Variants in THRB observed in about 807,000 individuals in gnomAD.
The protein encoded by THRB is thyroid hormone receptor beta.
In THRB, 12 loss-of-function variants were observed where a neutral mutation model predicts 47.8. That is an observed-to-expected ratio of 0.25 (90% CI 0.16 to 0.41). The LOEUF is 0.41. THRB is among the 10% of genes least tolerant of loss of function. THRB has a pLI of 1.00. For synonymous variants in THRB, 218 were observed against 212.2 expected (o/e 1.03, Z -0.24); for missense variants, 348 against 589.2 (o/e 0.59, Z 4.24).
intron 3 of THRB, among the ~76,000 whole-genome samples, chr3:24,272,581 G>A (rs761487255): frequency 6.6e-6 from 1 of 152,064 alleles, no homozygotes; most frequent in Non-Finnish European, 1.5e-5. Context: ...TTATTTGGGG[G>A]TACATCTTTT....
chr3:24,451,482 G>A (rs1204743369), intron 1 of THRB, among the ~76,000 whole-genome samples: 1 of 151,998 alleles, frequency 6.6e-6, no homozygotes, highest in African/African-American at 2.4e-5. Flanking sequence ...TGATCCACCC[G>A]CCTCAGCCTC....
At chr3:24,207,670 G>C (rs998363801) in intron 4 of THRB, among the ~76,000 whole-genome samples, 1 of 152,088 alleles carries the variant, frequency 6.6e-6, no homozygotes, top group East Asian at 1.9e-4. Context: ...GCCAGCAAAA[G>C]AGCCTACTCT....
chr3:24,308,358 C>T (rs958915944), intron 2 of THRB, among the ~76,000 whole-genome samples: 1 of 152,126 alleles, frequency 6.6e-6, no homozygotes, highest in Admixed American at 6.6e-5. Context: ...GGAGGCTTAA[C>T]AATACAAGGT....
intron 2 of THRB, among the ~76,000 whole-genome samples, chr3:24,335,743 T>G (rs374933747): frequency 7.0e-4 from 107 of 152,366 alleles, no homozygotes; most frequent in African/African-American, 2.3e-3. Flanking sequence ...TAAAATGAAT[T>G]AATACAGTGT....
At chr3:24,404,730 A>G (rs902063343) in intron 1 of THRB, among the ~76,000 whole-genome samples, 3 of 151,894 alleles carry the variant, frequency 2.0e-5, no homozygotes, top group African/African-American at 7.2e-5. Context: ...GTAATTTCTA[A>G]TGTGGTAAAG....
chr3:24,163,608 A>C (rs1282530828), intron 5 of THRB, among the ~76,000 whole-genome samples: 3 of 152,216 alleles, frequency 2.0e-5, no homozygotes, highest in Non-Finnish European at 4.4e-5. Context: ...AAGTTAAATT[A>C]CTTATACTAT....
chr3:24,194,634 A>T (rs2043755514), intron 4 of THRB, among the ~76,000 whole-genome samples: 1 of 152,216 alleles, frequency 6.6e-6, no homozygotes, highest in Non-Finnish European at 1.5e-5. Flanking sequence ...CATCATTCTG[A>T]TGGCTTTGAT....
intron 4 of THRB, among the ~76,000 whole-genome samples, chr3:24,203,647 C>T (rs534569577): frequency 4.2e-4 from 64 of 152,238 alleles, no homozygotes; most frequent in African/African-American, 1.1e-3. Context: ...TGGGGCTTTT[C>T]GGACAGTGGG....
chr3:24,120,117 A>T lies in THRB; in HGVS notation c.*2767T>A, dbSNP rs1011772015. On this transcript the variant is annotated 3_prime_UTR_variant, in exon 11 of 11. Transcript: ENST00000646209. ...ATCCCTCACAAATGAGTTTTATGAG[A>T]TGGAGTCTTGAGATGCACTAAGTAC... 2 of 152,344 alleles carry T rather than the reference A, an allele frequency of 1.3e-5. No individual in the cohort carries two copies. The highest frequency in any genetic ancestry group is 6.5e-5 in the Admixed American group (1 of 15,302). 9.4% of individuals were successfully genotyped at this position (152,344 alleles called of 1,614,324 possible). A position where few individuals can be genotyped will look rare whatever the true frequency, so the allele number is the denominator to read the frequency against.
rs544385646 is a variant in THRB, at chr3:24,330,478, G to A, written c.-189+6822C>T. On this transcript the variant is annotated intron_variant, in intron 2 of 10. Transcript: ENST00000646209. Reference sequence around the variant, plus strand: ...ATGTACCCACCATTCAGATCTGCGGGTATTTGATCCATCACCCTAAAAGAA... The same window carrying A: ...ATGTACCCACCATTCAGATCTGCGGATATTTGATCCATCACCCTAAAAGAA... Among the ~76,000 whole-genome samples the A allele has an allele frequency of 9.8e-5, 15 of 152,328 alleles. No individual in the cohort carries two copies. In the South Asian group the frequency reaches 2.7e-3, roughly 27 times the overall value.
At chr3:24,256,263 C>G (rs1263116618) in intron 3 of THRB, among the ~76,000 whole-genome samples, 1 of 143,514 alleles carries the variant, frequency 7.0e-6, no homozygotes, top group Non-Finnish European at 1.5e-5. Flanking sequence ...CATCAGAGGC[C>G]TTAATGAGTA....
intron 1 of THRB, among the ~76,000 whole-genome samples, chr3:24,389,183 T>A (rs143125622): frequency 6.6e-6 from 1 of 152,148 alleles, no homozygotes. Flanking sequence ...TTGGAGTGGT[T>A]GAAACCCCAG....
intron 1 of THRB, among the ~76,000 whole-genome samples, chr3:24,437,090 ATG>A (rs920396384): frequency 6.0e-5 from 9 of 148,946 alleles, no homozygotes; most frequent in South Asian, 2.1e-4. Context: ...TATCATAAAA[ATG>A]TGTGTGTGTA....
At chr3:24,278,211 A>T (rs2054139975) in intron 3 of THRB, among the ~76,000 whole-genome samples, 1 of 152,252 alleles carries the variant, frequency 6.6e-6, no homozygotes, top group Admixed American at 6.5e-5. Flanking sequence ...TATTTATTTG[A>T]TAAAATATAT....
chr3:24,186,790 AC>A (rs2042629145), intron 5 of THRB, among the ~76,000 whole-genome samples: 1 of 152,052 alleles, frequency 6.6e-6, no homozygotes, highest in Non-Finnish European at 1.5e-5. Context: ...TACTAAAAAT[AC>A]AAAAATTAGC....
chr3:24,276,715 G>C (rs1255136910), intron 3 of THRB, among the ~76,000 whole-genome samples: 2 of 152,150 alleles, frequency 1.3e-5, no homozygotes, highest in Non-Finnish European at 2.9e-5. Context: ...GAAGGGAGGA[G>C]GCAACACCAA....
chr3:24,384,221 C>T (rs2065915026), intron 1 of THRB, among the ~76,000 whole-genome samples: 1 of 152,088 alleles, frequency 6.6e-6, no homozygotes, highest in South Asian at 2.1e-4. Flanking sequence ...TAGAATACAA[C>T]CACAGAATAC....
At chr3:24,397,749 A>AT (rs1306058386) in intron 1 of THRB, among the ~76,000 whole-genome samples, 2 of 151,688 alleles carry the variant, frequency 1.3e-5, no homozygotes, top group African/African-American at 2.4e-5. Flanking sequence ...CACCTGGCTA[A>AT]TTTTTTTGTA....
At chr3:24,336,215 G>C (rs2062238866) in intron 2 of THRB, among the ~76,000 whole-genome samples, 2 of 152,210 alleles carry the variant, frequency 1.3e-5, no homozygotes, top group African/African-American at 4.8e-5. Context: ...GCCAGACAGG[G>C]GGCCCCAAGG....
Sources: gnomAD v4.1 joint callset for allele counts (sites outside exome capture counted in the v4.1 genomes callset) on GRCh38, gnomAD v4.1.1 for gene constraint, MANE v1.5 for transcripts, NCBI Gene and HGNC (gene_info 2026-07-23, HGNC 2026-07-21) for gene names.